The following CNTN6 variants were observed in gnomAD, a reference collection of about 807,000 sequenced individuals.
CNTN6 encodes contactin-6.
In CNTN6, 137 loss-of-function variants were observed where a neutral mutation model predicts 122.8. The observed-to-expected ratio is 1.12, with a 90% CI of 0.97 to 1.29. The LOEUF (loss-of-function observed/expected upper bound fraction) is 1.29, where lower values mean the gene tolerates loss of function less well. Among genes scored for constraint, CNTN6 ranks in the 50% most tolerant of loss-of-function variants. The pLI is 0.00. For synonymous variants in CNTN6, 570 were observed against 426.0 expected (o/e 1.34, Z -4.16); for missense variants, 1,634 against 1,223.4 (o/e 1.34, Z -5.01).
intron 7 of CNTN6, 53 bp downstream of exon 7, chr3:1,298,044 T>A: frequency 7.5e-7 from 1 of 1,330,448 alleles, no homozygotes; most frequent in South Asian, 1.3e-5. Context: ...TTTTTTTTTA[T>A]TAAAAACCTT....
intron 1 of CNTN6, among the ~76,000 whole-genome samples, chr3:1,108,003 C>G (rs1373912568): frequency 1.3e-5 from 2 of 152,040 alleles, no homozygotes; most frequent in African/African-American, 4.8e-5. Flanking sequence ...ATAATTAAGG[C>G]TCTGGGTGTT....
intron 4 of CNTN6, among the ~76,000 whole-genome samples, chr3:1,264,800 TAA>T (rs201843771): frequency 6.6e-6 from 1 of 152,138 alleles, no homozygotes; most frequent in East Asian, 1.9e-4. Context: ...AATAGATCAC[TAA>T]AGCTTTTTCT....
chr3:1,237,231 G>A (rs1259133258), intron 4 of CNTN6, among the ~76,000 whole-genome samples: 5 of 151,962 alleles, frequency 3.3e-5, no homozygotes, highest in Non-Finnish European at 7.4e-5. Context: ...AGGACACAGA[G>A]TAATGTAAAA....
intron 1 of CNTN6, among the ~76,000 whole-genome samples, chr3:1,113,952 A>G (rs1296761894): frequency 3.3e-5 from 5 of 152,184 alleles, no homozygotes; most frequent in African/African-American, 1.2e-4. Flanking sequence ...TGTCTCCTAC[A>G]TGGTCACCAT....
At chr3:1,136,665 C>G (rs2092483005) in intron 1 of CNTN6, among the ~76,000 whole-genome samples, 1 of 152,124 alleles carries the variant, frequency 6.6e-6, no homozygotes, top group Admixed American at 6.5e-5. Context: ...ATTTGCACCT[C>G]TAATAAGTAG....
chr3:1,184,930 T>G (rs191335551), intron 2 of CNTN6, among the ~76,000 whole-genome samples: 1 of 152,218 alleles, frequency 6.6e-6, no homozygotes, highest in Admixed American at 6.5e-5. Context: ...ATAAAAATAT[T>G]TTGGCTGTGT....
intron 12 of CNTN6, among the ~76,000 whole-genome samples, chr3:1,367,600 C>T (rs959930515): frequency 2.6e-5 from 4 of 151,992 alleles, no homozygotes; most frequent in African/African-American, 9.7e-5. Context: ...TGAGCTGCTG[C>T]TGCTGCTGCT....
At chr3:1,185,253 A>G (rs1469476911) in intron 2 of CNTN6, among the ~76,000 whole-genome samples, 1 of 152,170 alleles carries the variant, frequency 6.6e-6, no homozygotes. Context: ...GCGTTTCATA[A>G]TTTTTGAAAA....
chr3:1,102,097 C>A (rs1320576376), intron 1 of CNTN6, among the ~76,000 whole-genome samples: 1 of 152,134 alleles, frequency 6.6e-6, no homozygotes, highest in Non-Finnish European at 1.5e-5. Context: ...AGTAATTTAT[C>A]ATTCATGCAT....
chr3:1,206,630 A>T (rs1435371130), intron 2 of CNTN6, among the ~76,000 whole-genome samples: 1 of 152,124 alleles, frequency 6.6e-6, no homozygotes, highest in Middle Eastern at 3.2e-3. Flanking sequence ...AGACCCTTTT[A>T]TGAGAAACTC....
intron 1 of CNTN6, among the ~76,000 whole-genome samples, chr3:1,130,098 A>C (rs1220314618): frequency 6.6e-6 from 1 of 152,066 alleles, no homozygotes; most frequent in Non-Finnish European, 1.5e-5. Context: ...GCCGATTGCA[A>C]AACAAGAAGA....
At chr3:1,133,181 A>G (rs1194051192) in intron 1 of CNTN6, among the ~76,000 whole-genome samples, 1 of 152,178 alleles carries the variant, frequency 6.6e-6, no homozygotes, top group East Asian at 1.9e-4. Flanking sequence ...GTACTTTTAA[A>G]TGAAGGTTTA....
chr3:1,368,373 A>G (rs1708525585), intron 12 of CNTN6, among the ~76,000 whole-genome samples: 1 of 152,234 alleles, frequency 6.6e-6, no homozygotes, highest in Non-Finnish European at 1.5e-5. Context: ...AAATCTTTTT[A>G]GAAAAATATT....
At chr3:1,197,441 A>AGCCAAATTG (rs1206951434) in intron 2 of CNTN6, among the ~76,000 whole-genome samples, 2 of 152,236 alleles carry the variant, frequency 1.3e-5, no homozygotes, top group Non-Finnish European at 2.9e-5. Context: ...AAATTGTTAA[A>AGCCAAATTG]GCCAAATTGT....
intron 20 of CNTN6, among the ~76,000 whole-genome samples, chr3:1,386,544 A>C (rs1417082019): frequency 1.3e-5 from 2 of 152,188 alleles, no homozygotes; most frequent in African/African-American, 4.8e-5. Context: ...AATATTCCAT[A>C]ATACGAGGCA....
intron 3 of CNTN6, among the ~76,000 whole-genome samples, chr3:1,224,089 A>G (rs780612803): frequency 1.1e-4 from 16 of 152,202 alleles, no homozygotes; most frequent in Non-Finnish European, 2.1e-4. Flanking sequence ...AGAGACTTAA[A>G]ATTTAGATTT....
Position 1,403,442 on chromosome 3 carries a change from G to A in CNTN6, c.*24G>A. 1 of 1,505,534 alleles carries A rather than the reference G, an allele frequency of 6.6e-7. No individual in the cohort carries two copies. Among genetic ancestry groups the A allele is most frequent in the Non-Finnish European group, 9.2e-7 (1 of 1,084,102 alleles). 93.3% of individuals were successfully genotyped at this position (1,505,534 alleles called of 1,614,324 possible). On this transcript the variant is annotated 3_prime_UTR_variant, in exon 23 of 23. Transcript: ENST00000446702. ...GATGAATAAAACCATAAATCTTTGA[G>A]AGTTTTTTGAAAGCAAATCATTCTG...
chr3:1,278,639 A>G (rs1407712657), intron 5 of CNTN6, 131 bp downstream of exon 5: 2 of 549,560 alleles, frequency 3.6e-6, no homozygotes, highest in Non-Finnish European at 3.3e-6. Context: ...AAGTGCATCT[A>G]CTGCATACAA....
At chr3:1,311,502 C>T (rs193272447) in intron 7 of CNTN6, among the ~76,000 whole-genome samples, 2 of 95,386 alleles carry the variant, frequency 2.1e-5, no homozygotes, top group Admixed American at 9.6e-5. Context: ...CATATATGTA[C>T]ATATAAAATG....
Sources: allele counts gnomAD v4.1 joint callset (sites outside exome capture counted in the v4.1 genomes callset), GRCh38; gene constraint gnomAD v4.1.1; transcripts MANE v1.5; gene names NCBI Gene and HGNC (gene_info 2026-07-23, HGNC 2026-07-21).